Variants in GRID2 observed in about 807,000 individuals in gnomAD.
The protein encoded by GRID2 is glutamate ionotropic receptor delta type subunit 2, also known as glutamate receptor ionotropic, delta-2.
In GRID2, 33 loss-of-function variants were observed where a neutral mutation model predicts 114.8. That is an observed-to-expected ratio of 0.29 (90% CI 0.22 to 0.38). The LOEUF (loss-of-function observed/expected upper bound fraction) is 0.38, where lower values mean the gene tolerates loss of function less well. Ranked by LOEUF, GRID2 falls within the 10% of genes least tolerant of loss-of-function variation. The probability of loss-of-function intolerance (pLI) is 1.00; values close to 1 mark genes in which losing one functional copy is unlikely to be tolerated. For missense variants in GRID2, 1,184 were observed against 1,257.7 expected (o/e 0.94, Z 0.89); for synonymous variants, 505 against 449.9 (o/e 1.12, Z -1.55).
At chr4:93,000,026 T>G (rs1755441387) in intron 2 of GRID2, among the ~76,000 whole-genome samples, 1 of 151,670 alleles carries the variant, frequency 6.6e-6, no homozygotes, top group South Asian at 2.1e-4. Context: ...ATATGAGAAT[T>G]TCAGTTAAAT....
chr4:93,606,033 G>A (rs1740203715), intron 13 of GRID2, among the ~76,000 whole-genome samples: 1 of 152,180 alleles, frequency 6.6e-6, no homozygotes, highest in African/African-American at 2.4e-5. Flanking sequence ...TTGGGAGGCA[G>A]AGGTAGCTAG....
chr4:92,462,566 C>A (rs1721551078), intron 1 of GRID2, among the ~76,000 whole-genome samples: 1 of 151,744 alleles, frequency 6.6e-6, no homozygotes, highest in Admixed American at 6.6e-5. Context: ...TGTTTTCTGA[C>A]AACTCAAGCA....
chr4:93,341,327 AT>A (rs5860327), intron 8 of GRID2, among the ~76,000 whole-genome samples: 38,717 of 146,854 alleles, frequency 0.26, 8,212 homozygotes, highest in African/African-American at 0.59. Flanking sequence ...TCCTTCTACT[AT>A]TTTTTTTTTT....
chr4:93,589,118 G>C (rs1291774211), intron 13 of GRID2, among the ~76,000 whole-genome samples: 2 of 151,412 alleles, frequency 1.3e-5, no homozygotes, highest in East Asian at 3.9e-4. Context: ...AGTTACATAC[G>C]TATACGTGTG....
intron 8 of GRID2, among the ~76,000 whole-genome samples, chr4:93,372,375 C>G (rs1314617619): frequency 7.2e-6 from 1 of 137,968 alleles, no homozygotes; most frequent in Non-Finnish European, 1.6e-5. Context: ...ATAGTAAGAA[C>G]ACTTTTATTA....
intron 2 of GRID2, among the ~76,000 whole-genome samples, chr4:92,799,618 G>A (rs185149994): frequency 6.6e-6 from 1 of 151,836 alleles, no homozygotes; most frequent in African/African-American, 2.4e-5. Flanking sequence ...CTTCTTAGAA[G>A]AACACCAATC....
At chr4:92,641,421 C>T (rs1232333332) in intron 2 of GRID2, among the ~76,000 whole-genome samples, 1 of 150,364 alleles carries the variant, frequency 6.7e-6, no homozygotes, top group Non-Finnish European at 1.5e-5. Context: ...CAGGAACATA[C>T]ATGCCACCGA....
At chr4:92,619,333 T>C (rs1369867508) in intron 2 of GRID2, among the ~76,000 whole-genome samples, 1 of 151,756 alleles carries the variant, frequency 6.6e-6, no homozygotes, top group Non-Finnish European at 1.5e-5. Flanking sequence ...CAGTATTTCC[T>C]GAGCATATGC....
chr4:93,236,567 A>T (rs2149509979), intron 7 of GRID2, among the ~76,000 whole-genome samples: 1 of 152,116 alleles, frequency 6.6e-6, no homozygotes, highest in East Asian at 1.9e-4. Flanking sequence ...TATCCTGCTA[A>T]GGGCTTTGTA....
intron 1 of GRID2, among the ~76,000 whole-genome samples, chr4:92,474,971 G>A (rs1237264358): frequency 2.3e-5 from 3 of 132,866 alleles, no homozygotes; most frequent in East Asian, 2.4e-4. Context: ...TTTTTTTGGG[G>A]GGGGGGTGGA....
chr4:93,766,941 C>T (rs1441238495), intron 14 of GRID2, among the ~76,000 whole-genome samples: 1 of 152,120 alleles, frequency 6.6e-6, no homozygotes, highest in African/African-American at 2.4e-5. Context: ...TTACACCTAT[C>T]GACGAGCAAT....
intron 1 of GRID2, among the ~76,000 whole-genome samples, chr4:92,555,081 G>A (rs962302448): frequency 3.9e-5 from 6 of 152,162 alleles, no homozygotes; most frequent in African/African-American, 1.4e-4. Context: ...ATCCAGTCGT[G>A]AGAGTTGCAT....
chr4:92,514,880 GGTCT>G (rs1159933070), intron 1 of GRID2, among the ~76,000 whole-genome samples: 1 of 151,796 alleles, frequency 6.6e-6, no homozygotes, highest in African/African-American at 2.4e-5. Context: ...GCTCTAAGTT[GGTCT>G]GTCTGTTTCT....
At chr4:93,422,656 T>A (rs1323875695) in intron 9 of GRID2, 115 bp from the exon 10 acceptor site, 1 of 655,550 alleles carries the variant, frequency 1.5e-6, no homozygotes, top group Non-Finnish European at 2.7e-6. Flanking sequence ...CCTGAGTTGA[T>A]TCTTTCAAAG....
At chr4:93,212,597 A>G (rs1560993189) in intron 5 of GRID2, among the ~76,000 whole-genome samples, 1 of 152,158 alleles carries the variant, frequency 6.6e-6, no homozygotes, top group Non-Finnish European at 1.5e-5. Flanking sequence ...TCAGAGCTGC[A>G]AGAAGCACAA....
intron 1 of GRID2, among the ~76,000 whole-genome samples, chr4:92,314,206 A>T (rs10020262): frequency 0.013 from 1,952 of 152,156 alleles, 55 homozygotes; most frequent in African/African-American, 0.045. Flanking sequence ...AGTTTCCCAG[A>T]TTGCCATTCA....
At position 92,824,395 on chromosome 4, in the gene GRID2, G is replaced by A. The variant is rs566325756; in HGVS notation, c.244+234109G>A. Among the ~76,000 whole-genome samples the A allele has an allele frequency of 5.3e-5, 8 of 152,016 alleles. No individual in the cohort carries two copies. The East Asian group carries it at 1.4e-3, about 26-fold the overall frequency. On this transcript the variant is annotated intron_variant, in intron 2 of 15. Transcript: ENST00000282020. The stretch of plus-strand genomic sequence containing the variant: ...TGTTTGTTTGTTTCTAGCAGTTTTT[G>A]CCAGCTATTCCCTGCTACCTGTGAC...
intron 2 of GRID2, among the ~76,000 whole-genome samples, chr4:92,790,931 G>T (rs527437406): frequency 6.6e-6 from 1 of 151,630 alleles, no homozygotes. Flanking sequence ...TTTCCACTAC[G>T]TAAGCCTTAT....
chr4:92,602,269 A>T (rs187065351), intron 2 of GRID2, among the ~76,000 whole-genome samples: 1 of 152,192 alleles, frequency 6.6e-6, no homozygotes, highest in East Asian at 1.9e-4. Flanking sequence ...GCTTCAGGCC[A>T]GTATCCCTGA....
Sources: allele counts gnomAD v4.1 joint callset (sites outside exome capture counted in the v4.1 genomes callset), GRCh38; gene constraint gnomAD v4.1.1; transcripts MANE v1.5; gene names NCBI Gene and HGNC (gene_info 2026-07-23, HGNC 2026-07-21).